GPCPD1: variants seen among roughly 807,000 people sequenced by gnomAD.
The protein encoded by GPCPD1 is glycerophosphocholine phosphodiesterase GPCPD1.
A neutral mutation model predicts 89.2 loss-of-function variants in GPCPD1; 29 were observed. That is an observed-to-expected ratio of 0.33 (90% CI 0.24 to 0.44). The LOEUF is 0.44. Ranked by LOEUF, GPCPD1 falls within the 20% of genes least tolerant of loss-of-function variation. The pLI is 1.00. For missense variants in GPCPD1, 594 were observed against 808.9 expected, an observed-to-expected ratio of 0.73 and a Z score of 3.22; for synonymous variants, 258 against 266.3, an observed-to-expected ratio of 0.97 and a Z score of 0.30.
Position 5,598,710 on chromosome 20 carries a change from C to T in GPCPD1, c.146+15G>A. The T allele has an allele frequency of 6.9e-7, 1 of 1,459,172 alleles. No individual in the cohort carries two copies. The highest frequency in any genetic ancestry group is 9.6e-7 in the Non-Finnish European group (1 of 1,038,522). The allele number at this position is 1,459,172 out of a possible 1,614,324, so 90.4% of individuals were successfully genotyped here. On this transcript the variant is annotated intron_variant, in intron 3 of 19. Coordinates refer to ENST00000379019, the MANE Select transcript of GPCPD1 (RefSeq NM_019593.5). ...ATGTCACAGTTATTCTGTAACCTCA[C>T]ATTTCCATACTCACCTTTCACCTGT...
Position 5,580,005 on chromosome 20 carries a change from T to C in GPCPD1, c.473+3A>G. On this transcript the variant is annotated splice_donor_region_variant and intron_variant, in intron 7 of 19. Coordinates refer to ENST00000379019, the MANE Select transcript of GPCPD1 (RefSeq NM_019593.5). ...CCTAAGTAACACATAAACATGGTCA[T>C]ACCTAAATCTAGATTTTTTTAATTT... 1 of 1,529,558 alleles carries C rather than the reference T, an allele frequency of 6.5e-7. No homozygotes were observed. Among genetic ancestry groups the C allele is most frequent in the Non-Finnish European group, 9.0e-7 (1 of 1,109,222 alleles). The allele number at this position is 1,529,558 out of a possible 1,614,324, so 94.7% of individuals were successfully genotyped here. A position where few individuals can be genotyped will look rare whatever the true frequency, so the allele number is the denominator to read the frequency against.
At chr20:5,608,824 T>C (rs182815882) in intron 1 of GPCPD1, among the ~76,000 whole-genome samples, 1 of 152,368 alleles carries the variant, frequency 6.6e-6, no homozygotes. Flanking sequence ...ATCTATTCTG[T>C]ACTTTTTGAA....
At chr20:5,562,652 A>T (rs1986156317) in intron 15 of GPCPD1, among the ~76,000 whole-genome samples, 2 of 152,190 alleles carry the variant, frequency 1.3e-5, no homozygotes, top group African/African-American at 4.8e-5. Flanking sequence ...TTAATTTTTA[A>T]CAGCAAATAA....
chr20:5,591,055 G>GT (rs1301921676), intron 4 of GPCPD1, among the ~76,000 whole-genome samples: 1 of 152,098 alleles, frequency 6.6e-6, no homozygotes, highest in East Asian at 1.9e-4. Context: ...AATTCAGAAA[G>GT]TATCTTTGGT....
At chr20:5,580,531 C>T (rs774105974) in intron 6 of GPCPD1, among the ~76,000 whole-genome samples, 1 of 152,028 alleles carries the variant, frequency 6.6e-6, no homozygotes, top group East Asian at 1.9e-4. Flanking sequence ...TGAGACCATC[C>T]TGGCTAACAC....
At chr20:5,598,190 AAAAC>A (rs139757361) in intron 3 of GPCPD1, among the ~76,000 whole-genome samples, 7 of 151,534 alleles carry the variant, frequency 4.6e-5, no homozygotes, top group Non-Finnish European at 1.0e-4. Context: ...AAAACCCCAA[AAAAC>A]AAACAAACAA....
chr20:5,548,757 G>T, intron 19 of GPCPD1: 1 of 278,052 alleles, frequency 3.6e-6, no homozygotes, highest in South Asian at 7.8e-5. Flanking sequence ...GTCAGTGAGA[G>T]AACTGAAAAG....
At position 5,546,815 on chromosome 20, in the gene GPCPD1, C is replaced by T. The variant is rs1985052331; in HGVS notation, c.*846G>A. On this transcript the variant is annotated 3_prime_UTR_variant, in exon 20 of 20. Coordinates refer to ENST00000379019, the MANE Select transcript of GPCPD1 (RefSeq NM_019593.5). ...TTTTTTTTTAGGCAACAAAATACGT[C>T]CAGTCCTTGACATCTTCTCATACTC... 1 of 152,494 alleles carries T rather than the reference C, an allele frequency of 6.6e-6. No individual in the cohort carries two copies. The highest frequency in any genetic ancestry group is 1.5e-5 in the Non-Finnish European group (1 of 68,000). 9.4% of individuals were successfully genotyped at this position (152,494 alleles called of 1,614,324 possible). A position where few individuals can be genotyped will look rare whatever the true frequency, so the allele number is the denominator to read the frequency against.
chr20:5,575,374 C>A, intron 10 of GPCPD1, 39 bp downstream of exon 10: 1 of 1,487,864 alleles, frequency 6.7e-7, no homozygotes, highest in Non-Finnish European at 9.3e-7. Context: ...CGAACATAAG[C>A]TACACCAAAT....
intron 6 of GPCPD1, among the ~76,000 whole-genome samples, chr20:5,582,762 AC>A (rs1204471086): frequency 3.3e-5 from 5 of 152,020 alleles, no homozygotes; most frequent in Admixed American, 3.3e-4. Flanking sequence ...GATGACACTC[AC>A]CTATAGTCCC....
chr20:5,596,068 T>A (rs894577643), intron 3 of GPCPD1, among the ~76,000 whole-genome samples: 2 of 152,094 alleles, frequency 1.3e-5, no homozygotes, highest in Admixed American at 1.3e-4. Flanking sequence ...GGCAAAGCAG[T>A]GAGTCTTTTT....
chr20:5,565,076 A>G lies in GPCPD1; in HGVS notation c.1270T>C (p.Ser424Pro). The change falls in exon 15 of 20, where the codon TCT becomes CCT. Residue 424 changes from serine (S) to proline (P), a missense_variant and splice_region_variant. Coordinates refer to ENST00000379019, the MANE Select transcript of GPCPD1 (RefSeq NM_019593.5). ...AAGGAATTTTCCTCCTGAACCACAG[A>G]TTCTGAAATTTTAAAACACAAAATC... ...TALKSKDRKESVVQEENSFSE... is the reference protein window; with the variant it reads ...TALKSKDRKEPVVQEENSFSE... 6.7e-7 allele frequency: 1 copy of G among 1,493,364 alleles called. No individual in the cohort carries two copies. Among genetic ancestry groups the G allele is most frequent in the Non-Finnish European group, 9.3e-7 (1 of 1,070,462 alleles). The allele number at this position is 1,493,364 out of a possible 1,614,324, so 92.5% of individuals were successfully genotyped here.
chr20:5,579,889 T>C lies in GPCPD1; in HGVS notation c.473+119A>G, dbSNP rs1288413926. ...AGTTCACTATTACAAAGCCCTGTAG[T>C]TACTAGAATATGTAACATTATCCCA... On this transcript the variant is annotated intron_variant, in intron 7 of 19. Transcript: ENST00000379019. 3 of 613,492 alleles carry C rather than the reference T, an allele frequency of 4.9e-6. No individual in the cohort carries two copies. In the African/African-American group the frequency reaches 5.6e-5, roughly 12 times the overall value. 38.0% of individuals were successfully genotyped at this position (613,492 alleles called of 1,614,324 possible).
At chr20:5,549,476 GT>G (rs1234111921) in intron 19 of GPCPD1, 1 of 1,211,198 alleles carries the variant, frequency 8.3e-7, no homozygotes, top group East Asian at 2.5e-5. Context: ...TAGGTTTGTT[GT>G]TTAAGAAGAC....
intron 15 of GPCPD1, among the ~76,000 whole-genome samples, chr20:5,563,360 C>G (rs1358958087): frequency 6.6e-6 from 1 of 152,122 alleles, no homozygotes; most frequent in African/African-American, 2.4e-5. Context: ...GACTAAAAGG[C>G]TGTCAAACCT....
At chr20:5,564,360 C>T (rs1986255594) in intron 15 of GPCPD1, among the ~76,000 whole-genome samples, 1 of 151,706 alleles carries the variant, frequency 6.6e-6, no homozygotes, top group Non-Finnish European at 1.5e-5. Context: ...GCCTCTCCCA[C>T]CATCACCTTT....
chr20:5,598,750 G>A lies in GPCPD1; in HGVS notation c.121C>T (p.Leu41Phe). The A allele has an allele frequency of 1.9e-6, 3 of 1,610,112 alleles. No homozygotes were observed. The highest frequency in any genetic ancestry group is 2.2e-5 in the South Asian group (2 of 91,002). The change falls in exon 3 of 20, where the codon CTT becomes TTT. Residue 41 changes from leucine (L) to phenylalanine (F), a missense_variant. By Grantham distance (22) the Leu-to-Phe change is conservative (BLOSUM62 0). Coordinates refer to ENST00000379019, the MANE Select transcript of GPCPD1 (RefSeq NM_019593.5). The part of the protein sequence containing the change: ...NWNPQNAVAL[L>F]PENDTGESML... Reference sequence around the variant, plus strand: ...CTTTCACCTGTGTCATTCTCTGGAAGAAGAGCCACAGCATTTTGAGGATTC... The same window carrying A: ...CTTTCACCTGTGTCATTCTCTGGAAAAAGAGCCACAGCATTTTGAGGATTC...
rs1181354093 is a variant in GPCPD1 at position 5,575,518 on chromosome 20, G to T, written c.896C>A (p.Pro299Gln). The T allele has an allele frequency of 1.3e-6, 2 of 1,583,190 alleles. No individual in the cohort carries two copies. Among genetic ancestry groups the T allele is most frequent in the Non-Finnish European group, 1.7e-6 (2 of 1,153,028 alleles). Residue 299 changes from proline (P) to glutamine (Q), a missense_variant, in exon 10 of 20, where the codon CCA becomes CAA. Transcript: ENST00000379019. ...RVDYIIIKPL[P>Q]GYSCDMKSSF... ...AGATTTCATGTCACAACTGTATCCT[G>T]GTAATGGCTTAATAATTATATAGTC... is the stretch of plus-strand genomic sequence containing the variant.
intron 3 of GPCPD1, among the ~76,000 whole-genome samples, chr20:5,597,223 A>T (rs1009145725): frequency 6.6e-6 from 1 of 152,250 alleles, no homozygotes; most frequent in Non-Finnish European, 1.5e-5. Context: ...CAAACTAGAA[A>T]AAAGGGAGTT....
Sources: allele counts gnomAD v4.1 joint callset (sites outside exome capture counted in the v4.1 genomes callset), GRCh38; gene constraint gnomAD v4.1.1; transcripts MANE v1.5; gene names NCBI Gene and HGNC (gene_info 2026-07-23, HGNC 2026-07-21).